PLEKHH1: variants seen among roughly 807,000 people sequenced by gnomAD.
PLEKHH1 encodes pleckstrin homology domain-containing family H member 1.
A neutral mutation model predicts 160.0 loss-of-function variants in PLEKHH1; 104 were observed. That is an observed-to-expected ratio of 0.65 (90% confidence interval 0.55 to 0.76). The LOEUF is 0.76. PLEKHH1 is among the 30% of genes least tolerant of loss of function. PLEKHH1 has a pLI of 0.00. For missense variants in PLEKHH1, 1,427 were observed against 1,724.1 expected (o/e 0.83, Z 3.05); for synonymous variants, 619 against 678.4 (o/e 0.91, Z 1.36).
chr14:67,533,963 G>A (rs1188957745), intron 1 of PLEKHH1, among the ~76,000 whole-genome samples: 1 of 152,096 alleles, frequency 6.6e-6, no homozygotes, highest in Non-Finnish European at 1.5e-5. Flanking sequence ...AGGCGGTGAA[G>A]AGCCTCATCT....
rs1015401676 is a variant in PLEKHH1, at chr14:67,551,555, C to T, written c.127-4270C>T. ...CTGTGGTGGAGTCAGTGAGGTTCCACTGCCTTACCTCTTAGCTGTGCCATT... is the reference window on the plus strand; with the variant it reads ...CTGTGGTGGAGTCAGTGAGGTTCCATTGCCTTACCTCTTAGCTGTGCCATT... On this transcript the variant is annotated intron_variant, in intron 2 of 28. Coordinates refer to ENST00000329153, the MANE Select transcript of PLEKHH1 (RefSeq NM_020715.3). Among the ~76,000 whole-genome samples, 2 of 152,140 alleles carry T rather than the reference C, an allele frequency of 1.3e-5. 1 individual carries two copies. Among genetic ancestry groups the T allele is most frequent in the South Asian group, 4.1e-4 (2 of 4,820 alleles).
Position 67,576,374 on chromosome 14 carries a change from T to G in PLEKHH1, c.2353-21T>G. On this transcript the variant is annotated intron_variant, in intron 16 of 28. Transcript: ENST00000329153. The surrounding 1 kb of genome is among the most constrained non-coding windows in gnomAD (Gnocchi z 4.0). ...CTCTTCCCACCCCGTCCCCATCCGA[T>G]GGCTTTCCGCCCTCTTCCAGGATAC... 6.9e-7 allele frequency: 1 copy of G among 1,451,220 alleles called. No homozygotes were observed. 89.9% of individuals were successfully genotyped at this position (1,451,220 alleles called of 1,614,324 possible).
intron 3 of PLEKHH1, 139 bp downstream of exon 3, chr14:67,556,026 T>C: frequency 8.7e-7 from 1 of 1,150,784 alleles, no homozygotes. Context: ...TGCGTGGAGC[T>C]TTCTGTGGGA....
At position 67,576,119 on chromosome 14, in the gene PLEKHH1, TG is replaced by T. The variant is rs2035614175; in HGVS notation, c.2352+116del. 2.5e-6 allele frequency: 2 copies of T among 789,928 alleles called. No individual in the cohort carries two copies. Among genetic ancestry groups the T allele is most frequent in the South Asian group, 3.7e-5 (2 of 54,252 alleles). The allele number at this position is 789,928 out of a possible 1,614,324, so 48.9% of individuals were successfully genotyped here. Reference sequence around the variant, plus strand: ...CAAATTTATTTCCTTTTGGACACTTTGGCAACTAATATTCTCTGAATGGGAA... The same window carrying T: ...CAAATTTATTTCCTTTTGGACACTTTGCAACTAATATTCTCTGAATGGGAA... On this transcript the variant is annotated intron_variant, in intron 16 of 28. Coordinates refer to ENST00000329153, the MANE Select transcript of PLEKHH1 (RefSeq NM_020715.3). The surrounding 1 kb of genome is among the most constrained non-coding windows in gnomAD (Gnocchi z 4.0).
chr14:67,568,311 G>A (rs2035204405), intron 7 of PLEKHH1, among the ~76,000 whole-genome samples: 1 of 152,024 alleles, frequency 6.6e-6, no homozygotes, highest in Non-Finnish European at 1.5e-5. Context: ...AAATGGAGCT[G>A]GAAGCCATTA....
intron 2 of PLEKHH1, among the ~76,000 whole-genome samples, chr14:67,552,724 A>G (rs7153545): frequency 0.92 from 138,331 of 150,488 alleles, 63,757 homozygotes; most frequent in Non-Finnish European, 0.96. Context: ...CCGAGATCGC[A>G]CCACTGCACT....
chr14:67,565,370 AGC>A (rs2035041364), intron 7 of PLEKHH1, among the ~76,000 whole-genome samples: 1 of 152,080 alleles, frequency 6.6e-6, no homozygotes, highest in Non-Finnish European at 1.5e-5. Flanking sequence ...CAGCCTTCTG[AGC>A]AGCTGGGACT....
chr14:67,559,364 A>G (rs775326103), intron 4 of PLEKHH1, among the ~76,000 whole-genome samples: 8 of 152,160 alleles, frequency 5.3e-5, no homozygotes, highest in Non-Finnish European at 1.0e-4. Context: ...TTCTCCTTCC[A>G]TGTCAGGGAT....
chr14:67,575,481 C>A lies in PLEKHH1; in HGVS notation c.2169+9C>A, dbSNP rs374368115. 24 of 1,558,300 alleles carry A rather than the reference C, an allele frequency of 1.5e-5. No homozygotes were observed. In the African/African-American group the frequency reaches 2.7e-4, roughly 18 times the overall value. The stretch of plus-strand genomic sequence containing the variant: ...GGAGCCATGAGGACAAGGTACTTCT[C>A]AGCCTCCTCACAATACCCACTCTCC... On this transcript the variant is annotated intron_variant, in intron 15 of 28. Transcript: ENST00000329153.
intron 2 of PLEKHH1, among the ~76,000 whole-genome samples, chr14:67,554,422 G>A (rs1334428572): frequency 6.6e-6 from 1 of 152,164 alleles, no homozygotes; most frequent in Non-Finnish European, 1.5e-5. Context: ...GAAGTGAGGG[G>A]CACTGGGCCT....
At chr14:67,585,678 C>T (rs2036119775) in intron 27 of PLEKHH1, 24 bp downstream of exon 27, 3 of 1,433,062 alleles carry the variant, frequency 2.1e-6, no homozygotes, top group Non-Finnish European at 2.9e-6. Context: ...CAGGCTGCTC[C>T]CTGACCCCTC....
At position 67,561,869 on chromosome 14, in the gene PLEKHH1, CAAAAAAAAAAAAA is replaced by C. The variant is rs373609799; in HGVS notation, c.424-80_424-68del. 4.4e-5 allele frequency: 33 copies of C among 756,950 alleles called. No homozygotes were observed. In the East Asian group the frequency reaches 9.3e-4, roughly 21 times the overall value. 46.9% of individuals were successfully genotyped at this position (756,950 alleles called of 1,614,324 possible). ...TGGCCAACAGAGCAAGACCCTGTCTCAAAAAAAAAAAAAAAAAGAATTGAAAAAATACATCTAA... is the reference window on the plus strand; with the variant it reads ...TGGCCAACAGAGCAAGACCCTGTCTCAAAAGAATTGAAAAAATACATCTAA... On this transcript the variant is annotated intron_variant, in intron 5 of 28. Coordinates refer to ENST00000329153, the MANE Select transcript of PLEKHH1 (RefSeq NM_020715.3).
At chr14:67,555,681 C>G in intron 2 of PLEKHH1, 144 bp from the exon 3 acceptor site, 2 of 1,200,318 alleles carry the variant, frequency 1.7e-6, no homozygotes, top group Non-Finnish European at 2.3e-6. Context: ...AAAATCCTTA[C>G]CCTGACACTC....
intron 2 of PLEKHH1, among the ~76,000 whole-genome samples, chr14:67,551,257 C>G (rs2034379184): frequency 6.6e-6 from 1 of 152,184 alleles, no homozygotes; most frequent in South Asian, 2.1e-4. Flanking sequence ...GGCTGTATTA[C>G]TAGTCATGCT....
At chr14:67,549,028 A>G (rs991402299) in intron 2 of PLEKHH1, among the ~76,000 whole-genome samples, 1 of 152,258 alleles carries the variant, frequency 6.6e-6, no homozygotes, top group Admixed American at 6.5e-5. Flanking sequence ...CAGTTTCACA[A>G]CATATGGGTA....
At position 67,574,474 on chromosome 14, in the gene PLEKHH1, G is replaced by A. The variant is rs2035534782; in HGVS notation, c.2088+71G>A. ...TCAGGGGAGCCAGGATTGGGGTGCCGAGGGTGGTGGGTTCCCCCTTATACG... is the reference window on the plus strand; with the variant it reads ...TCAGGGGAGCCAGGATTGGGGTGCCAAGGGTGGTGGGTTCCCCCTTATACG... On this transcript the variant is annotated intron_variant, in intron 14 of 28. Coordinates refer to ENST00000329153, the MANE Select transcript of PLEKHH1 (RefSeq NM_020715.3). The surrounding 1 kb of genome is among the most constrained non-coding windows in gnomAD (Gnocchi z 4.2). 3.9e-6 allele frequency: 5 copies of A among 1,274,370 alleles called. No individual in the cohort carries two copies. Among genetic ancestry groups the A allele is most frequent in the Non-Finnish European group, 5.2e-6 (5 of 963,232 alleles). The allele number at this position is 1,274,370 out of a possible 1,614,324, so 78.9% of individuals were successfully genotyped here. A position where few individuals can be genotyped will look rare whatever the true frequency, so the allele number is the denominator to read the frequency against.
intron 4 of PLEKHH1, among the ~76,000 whole-genome samples, chr14:67,557,966 G>A (rs2034662201): frequency 6.6e-6 from 1 of 152,350 alleles, no homozygotes; most frequent in South Asian, 2.1e-4. Context: ...GTTTCTTAGT[G>A]AAGCTGAAGA....
At chr14:67,581,862 C>T (rs370003427) in intron 23 of PLEKHH1, 5 of 552,874 alleles carry the variant, frequency 9.0e-6, no homozygotes, top group Middle Eastern at 4.9e-4. Context: ...GAACCATGCC[C>T]TCCTGTTGGT....
chr14:67,577,492 C>T (rs1444964336), intron 18 of PLEKHH1, 78 bp downstream of exon 18: 45 of 918,642 alleles, frequency 4.9e-5, no homozygotes, highest in Non-Finnish European at 7.8e-5. Flanking sequence ...CAGTTGGGGA[C>T]AACCCACAGA....
Sources: allele counts gnomAD v4.1 joint callset (sites outside exome capture counted in the v4.1 genomes callset), GRCh38; gene constraint gnomAD v4.1.1; non-coding constraint Gnocchi (gnomAD v3.1); transcripts MANE v1.5; gene names NCBI Gene and HGNC (gene_info 2026-07-23, HGNC 2026-07-21).